MAPKAP1: variants seen among roughly 807,000 people sequenced by gnomAD.
MAPKAP1 encodes MAPK associated protein 1.
MAPKAP1 carries 20 observed loss-of-function variants against 65.7 expected under a neutral mutation model. The ratio of observed to expected loss-of-function variants is 0.30; its 90% confidence interval spans 0.21 to 0.44. The LOEUF (loss-of-function observed/expected upper bound fraction) is 0.44, where lower values mean the gene tolerates loss of function less well. Among genes scored for constraint, MAPKAP1 ranks in the 20% least tolerant of loss-of-function variants. MAPKAP1 has a pLI of 1.00. For missense variants in MAPKAP1, 423 were observed against 648.0 expected, an observed-to-expected ratio of 0.65 and a Z score of 3.77; for synonymous variants, 222 against 244.3, an observed-to-expected ratio of 0.91 and a Z score of 0.85.
At chr9:125,686,267 G>C (rs757264098) in intron 1 of MAPKAP1, among the ~76,000 whole-genome samples, 1 of 145,988 alleles carries the variant, frequency 6.8e-6, no homozygotes, top group African/African-American at 2.6e-5. Context: ...GACCGAGATA[G>C]AGCCACTGCA....
chr9:125,509,685 G>A (rs1343573841), intron 7 of MAPKAP1, among the ~76,000 whole-genome samples: 8 of 152,166 alleles, frequency 5.3e-5, no homozygotes, highest in African/African-American at 1.2e-4. Flanking sequence ...CAAGCTGTCA[G>A]GCTACCTGAC....
intron 1 of MAPKAP1, among the ~76,000 whole-genome samples, chr9:125,695,829 A>G (rs1394161770): frequency 6.6e-6 from 1 of 151,904 alleles, no homozygotes; most frequent in African/African-American, 2.4e-5. Flanking sequence ...CCCGGGTTCA[A>G]TTGCTTCTCC....
intron 10 of MAPKAP1, among the ~76,000 whole-genome samples, chr9:125,461,794 C>T (rs571554527): frequency 1.3e-5 from 2 of 152,294 alleles, no homozygotes; most frequent in Admixed American, 6.5e-5. Context: ...GTCCACCTAA[C>T]GTCTGGAGTG....
intron 6 of MAPKAP1, among the ~76,000 whole-genome samples, chr9:125,553,416 C>A (rs1830641885): frequency 6.6e-6 from 1 of 152,098 alleles, no homozygotes; most frequent in African/African-American, 2.4e-5. Flanking sequence ...GTGGCAGGTG[C>A]CTGTAATCAC....
At chr9:125,674,461 T>C (rs1834587425) in intron 1 of MAPKAP1, among the ~76,000 whole-genome samples, 1 of 152,198 alleles carries the variant, frequency 6.6e-6, no homozygotes, top group African/African-American at 2.4e-5. Context: ...GTACAAGGAA[T>C]ATGAAAGCTG....
Position 125,507,422 on chromosome 9 carries a change from C to T in MAPKAP1, c.959-1005G>A, listed in dbSNP as rs115595120. On this transcript the variant is annotated intron_variant, in intron 7 of 11. Coordinates refer to ENST00000265960, the MANE Select transcript of MAPKAP1 (RefSeq NM_001006617.3). ...GAGAGCTGAGGGAAGCATCAGAGGC[C>T]GTGCAGGGCTCCCAGGCGGAACACG... 4.5e-3 allele frequency among the ~76,000 whole-genome samples: 682 copies of T among 152,260 alleles called. 6 individuals carry two copies. The highest frequency in any genetic ancestry group is 0.015 in the African/African-American group (638 of 41,544).
intron 4 of MAPKAP1, among the ~76,000 whole-genome samples, chr9:125,641,420 TTAA>T (rs1449215768): frequency 6.6e-6 from 1 of 152,246 alleles, no homozygotes; most frequent in African/African-American, 2.4e-5. Flanking sequence ...TGTCTGGTTT[TTAA>T]TAATGACATT....
intron 3 of MAPKAP1, among the ~76,000 whole-genome samples, chr9:125,667,537 T>C (rs1030723808): frequency 3.9e-5 from 6 of 152,132 alleles, no homozygotes; most frequent in African/African-American, 1.4e-4. Context: ...AGGCTGGTCT[T>C]AAAACTCCTG....
intron 8 of MAPKAP1, among the ~76,000 whole-genome samples, chr9:125,505,483 A>C (rs1389704934): frequency 6.6e-6 from 1 of 152,242 alleles, no homozygotes; most frequent in African/African-American, 2.4e-5. Context: ...TCTCTAAAAA[A>C]TAATAAATAA....
At chr9:125,640,662 A>C (rs1196450854) in intron 4 of MAPKAP1, among the ~76,000 whole-genome samples, 1 of 152,140 alleles carries the variant, frequency 6.6e-6, no homozygotes, top group Admixed American at 6.5e-5. Flanking sequence ...ATCCATTCTC[A>C]CTCTTTTTAC....
intron 1 of MAPKAP1, among the ~76,000 whole-genome samples, chr9:125,693,114 TTTATATTAAGAAA>T (rs1258685151): frequency 6.6e-6 from 1 of 152,032 alleles, no homozygotes; most frequent in Non-Finnish European, 1.5e-5. Context: ...TTATAATATT[TTTATATTAAGAAA>T]ACAGGCCGGG....
intron 5 of MAPKAP1, among the ~76,000 whole-genome samples, chr9:125,584,375 A>G (rs1247231938): frequency 6.6e-6 from 1 of 152,226 alleles, no homozygotes; most frequent in Non-Finnish European, 1.5e-5. Flanking sequence ...CTAAAGAAAA[A>G]TAAAAACTAA....
intron 9 of MAPKAP1, among the ~76,000 whole-genome samples, chr9:125,480,637 A>G (rs918514061): frequency 1.3e-5 from 2 of 152,194 alleles, no homozygotes; most frequent in Admixed American, 1.3e-4. Flanking sequence ...AATAAATAAT[A>G]ATGACAATGA....
chr9:125,592,065 A>G (rs1831982381), intron 4 of MAPKAP1, among the ~76,000 whole-genome samples: 1 of 152,234 alleles, frequency 6.6e-6, no homozygotes, highest in Admixed American at 6.5e-5. Context: ...TCTCTCATGC[A>G]TTCAACAAAC....
At chr9:125,692,959 T>C (rs1427891944) in intron 1 of MAPKAP1, among the ~76,000 whole-genome samples, 1 of 152,178 alleles carries the variant, frequency 6.6e-6, no homozygotes, top group Non-Finnish European at 1.5e-5. Context: ...ACATTTCTAG[T>C]TGAAGGAGGT....
At chr9:125,700,900 C>A (rs1037922972) in intron 1 of MAPKAP1, among the ~76,000 whole-genome samples, 1 of 152,220 alleles carries the variant, frequency 6.6e-6, no homozygotes, top group Non-Finnish European at 1.5e-5. Context: ...TGTCTCTACG[C>A]CCCCTTTCAA....
intron 7 of MAPKAP1, among the ~76,000 whole-genome samples, chr9:125,535,528 C>T (rs1336049623): frequency 1.3e-5 from 2 of 152,252 alleles, no homozygotes; most frequent in Admixed American, 1.3e-4. Context: ...CATCTCAGAG[C>T]CACACAGAGC....
chr9:125,703,449 A>C (rs1237237623), intron 1 of MAPKAP1, among the ~76,000 whole-genome samples: 2 of 152,198 alleles, frequency 1.3e-5, no homozygotes, highest in African/African-American at 4.8e-5. Context: ...GAACTCACAG[A>C]AACAAGTCAG....
intron 8 of MAPKAP1, among the ~76,000 whole-genome samples, chr9:125,490,356 A>G (rs1464383594): frequency 1.3e-5 from 2 of 152,226 alleles, no homozygotes; most frequent in Non-Finnish European, 2.9e-5. Flanking sequence ...CCTGACCAAC[A>G]TGGTGAAACC....
Sources: gnomAD v4.1 joint callset for allele counts (sites outside exome capture counted in the v4.1 genomes callset) on GRCh38, gnomAD v4.1.1 for gene constraint, MANE v1.5 for transcripts, NCBI Gene and HGNC (gene_info 2026-07-23, HGNC 2026-07-21) for gene names.